The following MED15 variants were observed in gnomAD, a reference collection of about 807,000 sequenced individuals.
The protein encoded by MED15 is mediator of RNA polymerase II transcription subunit 15.
A neutral mutation model predicts 118.7 loss-of-function variants in MED15; 41 were observed. The observed-to-expected ratio is 0.35, with a 90% CI of 0.27 to 0.45. The LOEUF (loss-of-function observed/expected upper bound fraction) is 0.45, where lower values mean the gene tolerates loss of function less well. MED15 is among the 20% of genes least tolerant of loss of function. MED15 has a pLI of 1.00. For missense variants in MED15, 740 were observed against 1,025.5 expected (o/e 0.72, Z 3.80); for synonymous variants, 436 against 413.9 (o/e 1.05, Z -0.65).
In MED15 at chr22:20,552,390, AACTT is replaced by A. The variant is rs1258691544; in HGVS notation, c.209-754_209-751del. On this transcript the variant is annotated intron_variant, in intron 3 of 17. Transcript: ENST00000263205. ...GGTAGGTTTTGCTTCTTTCCACACT[AACTT>A]TTCACCAGAATGGCCAGCAAAGTGA... 1.8e-5 allele frequency: 5 copies of A among 275,886 alleles called. No homozygotes were observed. The East Asian group carries it at 5.2e-4, about 29-fold the overall frequency. The allele number at this position is 275,886 out of a possible 1,614,324, so 17.1% of individuals were successfully genotyped here.
chr22:20,579,070 C>T (rs778916808), intron 9 of MED15, among the ~76,000 whole-genome samples: 2 of 152,226 alleles, frequency 1.3e-5, no homozygotes, highest in African/African-American at 4.8e-5. Context: ...ACAATCCTCC[C>T]TTGGCAGATG....
intron 8 of MED15, among the ~76,000 whole-genome samples, chr22:20,570,264 C>T (rs545370133): frequency 6.6e-6 from 1 of 152,156 alleles, no homozygotes; most frequent in African/African-American, 2.4e-5. Flanking sequence ...ACCTCGTGAT[C>T]TGCCGGCCTT....
intron 1 of MED15, among the ~76,000 whole-genome samples, chr22:20,535,331 G>A (rs929415350): frequency 6.6e-6 from 1 of 152,126 alleles, no homozygotes; most frequent in Non-Finnish European, 1.5e-5. Context: ...TAAGACAGAT[G>A]TATGCACCTC....
rs747239379 is a variant in MED15 at position 20,582,643 on chromosome 22, G to A, written c.1305G>A (p.Ser435=). The part of the protein sequence containing the change: ...VSQSSLPMLS[S]PSPGQQVQTP... ...AGAGCAGCCTCCCCATGCTGTCCTC[G>A]CCGTCACCGGGCCAGCAGGTGCAGA... The change falls in exon 10 of 18, where the codon TCG becomes TCA. Residue 435 remains serine (S), a synonymous_variant. Transcript: ENST00000263205. 213 of 1,581,098 alleles carry A rather than the reference G, an allele frequency of 1.3e-4. 1 individual carries two copies. Among genetic ancestry groups the A allele is most frequent in the African/African-American group, 1.2e-4 (9 of 74,550 alleles).
Position 20,586,724 on chromosome 22 carries a change from C to A in MED15, c.*20C>A. The stretch of plus-strand genomic sequence containing the variant: ...GCCTAGCCAAGACTGCAGGGATGGC[C>A]CGCAGCCTCATCGGGGCCAAGGACA... On this transcript the variant is annotated 3_prime_UTR_variant, in exon 18 of 18. Transcript: ENST00000263205. The A allele has an allele frequency of 6.2e-7, 1 of 1,611,334 alleles. No individual in the cohort carries two copies.
chr22:20,584,458 CAG>C (rs765660989), intron 14 of MED15, 33 bp downstream of exon 14: 18 of 1,607,850 alleles, frequency 1.1e-5, no homozygotes, highest in Non-Finnish European at 1.4e-5. Flanking sequence ...CTAGGGGAAC[CAG>C]GGCTCTCCTA....
chr22:20,535,849 G>A (rs1223681795), intron 1 of MED15, among the ~76,000 whole-genome samples: 13 of 148,036 alleles, frequency 8.8e-5, no homozygotes, highest in Non-Finnish European at 1.2e-4. Flanking sequence ...GTGAGCCACC[G>A]TGCTCAGCCT....
chr22:20,528,893 T>C (rs1299253961), intron 1 of MED15, among the ~76,000 whole-genome samples: 1 of 152,150 alleles, frequency 6.6e-6, no homozygotes, highest in Non-Finnish European at 1.5e-5. Flanking sequence ...TGTGGTCACC[T>C]GGTGCTGGAG....
intron 1 of MED15, among the ~76,000 whole-genome samples, chr22:20,530,074 T>C (rs1442692282): frequency 6.6e-6 from 1 of 152,196 alleles, no homozygotes; most frequent in Non-Finnish European, 1.5e-5. Context: ...TAGTGTCTGC[T>C]TCTGGTGACA....
At chr22:20,552,980 C>A (rs2055839865) in intron 3 of MED15, 165 bp from the exon 4 acceptor site, 1 of 626,396 alleles carries the variant, frequency 1.6e-6, no homozygotes. Context: ...CTTGTGGGGT[C>A]AGCGCTGCCA....
chr22:20,537,293 A>AG, intron 2 of MED15, 89 bp downstream of exon 2: 1 of 1,151,656 alleles, frequency 8.7e-7, no homozygotes, highest in African/African-American at 1.5e-5. Context: ...TGGGTGTCCT[A>AG]GGGTGTAGGG....
rs1387663050 is a variant in MED15 at position 20,525,414 on chromosome 22, T to C, written c.69-11703T>C. 2.6e-5 allele frequency among the ~76,000 whole-genome samples: 4 copies of C among 151,934 alleles called. No individual in the cohort carries two copies. In the East Asian group the frequency reaches 5.8e-4, roughly 22 times the overall value. ...TTTTAGTGGAGATGGGGTTTCGCCA[T>C]GTTGGCCAGGCTGGTCTTGAACTCC... On this transcript the variant is annotated intron_variant, in intron 1 of 17. Coordinates refer to ENST00000263205, the MANE Select transcript of MED15 (RefSeq NM_001003891.3).
intron 1 of MED15, 31 bp downstream of exon 1, chr22:20,507,777 TGTGGGACCTTCCTCCTTAG>T: frequency 6.2e-7 from 1 of 1,613,454 alleles, no homozygotes; most frequent in Non-Finnish European, 8.5e-7. Flanking sequence ...GGGGCTGGAT[TGTGGGACCTTCCTCCTTAG>T]CGTGGCGGGC....
At position 20,584,838 on chromosome 22, in the gene MED15, GCCCA is replaced by G; in HGVS notation, c.1804-16_1804-13del. ...CCTCGGGTCCCGGGCTGCTGACCGT[GCCCA>G]TCCTGTCTCCAGCCCACTCCCCCAC... On this transcript the variant is annotated splice_polypyrimidine_tract_variant and intron_variant, in intron 14 of 17. Transcript: ENST00000263205. 1 of 1,610,250 alleles carries G rather than the reference GCCCA, an allele frequency of 6.2e-7. No homozygotes were observed. The highest frequency in any genetic ancestry group is 8.5e-7 in the Non-Finnish European group (1 of 1,179,790).
intron 1 of MED15, among the ~76,000 whole-genome samples, chr22:20,535,405 CTG>C (rs2055027030): frequency 6.6e-6 from 1 of 152,196 alleles, no homozygotes; most frequent in South Asian, 2.1e-4. Flanking sequence ...GTAGCCCCGT[CTG>C]TACATTCCTT....
In MED15 at chr22:20,548,311, G is replaced by A. The variant is rs1350295501; in HGVS notation, c.157-3125G>A. Among the ~76,000 whole-genome samples the A allele has an allele frequency of 6.6e-5, 10 of 152,182 alleles. No homozygotes were observed. The East Asian group carries it at 1.4e-3, about 21-fold the overall frequency. On this transcript the variant is annotated intron_variant, in intron 2 of 17. Coordinates refer to ENST00000263205, the MANE Select transcript of MED15 (RefSeq NM_001003891.3). Reference sequence around the variant, plus strand: ...CAAGTAGCTGGGATTACCGGCATGCGCCACCAGGCCTGGCTAATTTTTTTT... The same window carrying A: ...CAAGTAGCTGGGATTACCGGCATGCACCACCAGGCCTGGCTAATTTTTTTT...
At chr22:20,561,203 A>G (rs1284866206) in intron 5 of MED15, among the ~76,000 whole-genome samples, 2 of 152,170 alleles carry the variant, frequency 1.3e-5, no homozygotes, top group East Asian at 3.8e-4. Flanking sequence ...AAATGCAATC[A>G]AAAAAGACAA....
intron 5 of MED15, among the ~76,000 whole-genome samples, chr22:20,561,263 G>C (rs2056229069): frequency 6.6e-6 from 1 of 152,202 alleles, no homozygotes; most frequent in Non-Finnish European, 1.5e-5. Context: ...GCTCAGGCCT[G>C]TAATCGCAGC....
chr22:20,550,828 G>A (rs1350647589), intron 2 of MED15, among the ~76,000 whole-genome samples: 4 of 152,256 alleles, frequency 2.6e-5, no homozygotes, highest in Non-Finnish European at 5.9e-5. Context: ...TGCATATAGC[G>A]GGCCTTGGCA....
Sources: gnomAD v4.1 joint callset for allele counts (sites outside exome capture counted in the v4.1 genomes callset) on GRCh38, gnomAD v4.1.1 for gene constraint, MANE v1.5 for transcripts, NCBI Gene and HGNC (gene_info 2026-07-23, HGNC 2026-07-21) for gene names.